MROH7: variants seen among roughly 807,000 people sequenced by gnomAD.
MROH7 encodes the protein maestro heat like repeat family member 7.
A neutral mutation model predicts 129.2 loss-of-function variants in MROH7; 113 were observed. The observed-to-expected ratio is 0.87, with a 90% confidence interval of 0.75 to 1.02. The LOEUF (loss-of-function observed/expected upper bound fraction) is 1.02. MROH7 is among the 50% of genes least tolerant of loss of function. MROH7 has a pLI of 0.00. For missense variants in MROH7, 1,601 were observed against 1,671.3 expected, an observed-to-expected ratio of 0.96 and a Z score of 0.73; for synonymous variants, 655 against 667.9, an observed-to-expected ratio of 0.98 and a Z score of 0.30.
intron 21 of MROH7, among the ~76,000 whole-genome samples, chr1:54,705,404 G>T (rs1197325137): frequency 1.3e-5 from 2 of 152,200 alleles, no homozygotes; most frequent in Non-Finnish European, 2.9e-5. Context: ...TCTCTTGGGG[G>T]AGCCCGAGAT....
rs189001699 is a variant in MROH7 at position 54,646,025 on chromosome 1, C to A, written c.-110+4057C>A. 1.2e-4 allele frequency among the ~76,000 whole-genome samples: 18 copies of A among 152,340 alleles called. 1 individual carries two copies. Among genetic ancestry groups the A allele is most frequent in the Admixed American group, 4.6e-4 (7 of 15,304 alleles). On this transcript the variant is annotated intron_variant, in intron 1 of 23. Transcript: ENST00000421030. ...ACAGTCCTGGCACAGGCCCGGTCTC[C>A]AGTGATATTTATGACTCCTCATTTG...
chr1:54,654,134 T>G lies in MROH7; in HGVS notation c.1208T>G (p.Val403Gly). 6.2e-7 allele frequency: 1 copy of G among 1,611,824 alleles called. No individual in the cohort carries two copies. Among genetic ancestry groups the G allele is most frequent in the Non-Finnish European group, 8.5e-7 (1 of 1,178,934 alleles). ...TCCAACCCCGCAGGCAAGGACGCCGTGACCTTGCAAGGCATCCCTGAGGGT... is the reference window on the plus strand; with the variant it reads ...TCCAACCCCGCAGGCAAGGACGCCGGGACCTTGCAAGGCATCCCTGAGGGT... ...PISNPAGKDAVTLQGIPEGAF... is the reference protein window; with the variant it reads ...PISNPAGKDAGTLQGIPEGAF... Residue 403 changes from valine (V) to glycine (G), a missense_variant, in exon 3 of 24, where the codon GTG (valine) becomes GGG (glycine). Val to Gly is a moderately radical substitution (Grantham distance 109). Transcript: ENST00000421030.
chr1:54,644,996 G>T (rs536023103), intron 1 of MROH7, among the ~76,000 whole-genome samples: 1 of 151,674 alleles, frequency 6.6e-6, no homozygotes, highest in African/African-American at 2.4e-5. Flanking sequence ...TTTTAGTAGA[G>T]ACGGGGTTTC....
intron 1 of MROH7, among the ~76,000 whole-genome samples, chr1:54,645,651 C>CTTTTTTTTTTTTTTTT (rs780480424): frequency 2.7e-5 from 3 of 110,224 alleles, no homozygotes; most frequent in African/African-American, 1.1e-4. Flanking sequence ...TTCTTTCTTT[C>CTTTTTTTTTTTTTTTT]TTTCTTTTTT....
intron 4 of MROH7, among the ~76,000 whole-genome samples, chr1:54,668,298 G>A (rs1440788900): frequency 6.6e-6 from 1 of 152,220 alleles, no homozygotes; most frequent in African/African-American, 2.4e-5. Context: ...GAGCAGAAAA[G>A]AACTTGCAGC....
At chr1:54,701,464 C>A in intron 19 of MROH7, 142 bp downstream of exon 19, 1 of 624,596 alleles carries the variant, frequency 1.6e-6, no homozygotes, top group Non-Finnish European at 2.6e-6. Flanking sequence ...TTTGTCCCAG[C>A]TGGTCCACAT....
chr1:54,645,725 T>C (rs12096323), intron 1 of MROH7, among the ~76,000 whole-genome samples: 2,594 of 146,976 alleles, frequency 0.018, 84 homozygotes, highest in African/African-American at 0.062. Context: ...AAATCTTGGC[T>C]CACCGCAGGC....
rs372924767 is a variant in MROH7, at chr1:54,673,150, G to A, written c.1659G>A (p.Glu553=). The change falls in exon 8 of 24, where the codon GAG becomes GAA. Residue 553 remains glutamate (E), a synonymous_variant. Transcript: ENST00000421030. The stretch of plus-strand genomic sequence containing the variant: ...CACTGCTCAAAGCCCTCTTTATCGA[G>A]GACCCCACTCCTGCTGGGCTGAAGA... ...LQTLLKALFI[E]DPTPAGLKSI... The A allele has an allele frequency of 1.5e-5, 25 of 1,613,822 alleles. No homozygotes were observed. The African/African-American group carries it at 1.6e-4, about 10-fold the overall frequency.
chr1:54,695,890 C>T (rs1263374830), intron 17 of MROH7: 4 of 313,606 alleles, frequency 1.3e-5, no homozygotes, highest in Non-Finnish European at 2.5e-5. Context: ...GCCATCTAGG[C>T]TGTGGTGGGG....
chr1:54,686,540 C>A, intron 15 of MROH7, 92 bp downstream of exon 15: 1 of 1,148,078 alleles, frequency 8.7e-7, no homozygotes, highest in Non-Finnish European at 1.2e-6. Flanking sequence ...GGCAATCAAT[C>A]AATAGAAATC....
At chr1:54,651,493 A>G (rs1644554220) in intron 1 of MROH7, 1 of 152,456 alleles carries the variant, frequency 6.6e-6, no homozygotes, top group Non-Finnish European at 1.5e-5. Context: ...CCCAGACCTA[A>G]CTGGGAGAGC....
intron 1 of MROH7, among the ~76,000 whole-genome samples, chr1:54,643,556 T>C (rs1351479392): frequency 6.6e-6 from 1 of 152,128 alleles, no homozygotes; most frequent in East Asian, 1.9e-4. Context: ...CCACCAGTCA[T>C]GCAAAAGTCG....
At chr1:54,671,813 G>C (rs1204603690) in intron 7 of MROH7, among the ~76,000 whole-genome samples, 6 of 152,134 alleles carry the variant, frequency 3.9e-5, no homozygotes, top group African/African-American at 2.4e-5. Flanking sequence ...AGGTGAGTGT[G>C]GGGGAGATGG....
intron 15 of MROH7, among the ~76,000 whole-genome samples, chr1:54,690,587 G>A (rs1182964654): frequency 1.3e-5 from 2 of 152,070 alleles, no homozygotes; most frequent in East Asian, 3.9e-4. Context: ...GGGACTACAG[G>A]CGCCCGCCAC....
At position 54,653,974 on chromosome 1, in the gene MROH7, A is replaced by G. The variant is rs1644601257; in HGVS notation, c.1048A>G (p.Thr350Ala). Residue 350 changes from threonine (T) to alanine (A), a missense_variant, in exon 3 of 24, where the codon ACC becomes GCC. Physicochemically the swap from Thr to Ala is moderately conservative, Grantham distance 58. Coordinates refer to ENST00000421030, the MANE Select transcript of MROH7 (RefSeq NM_001039464.4). The stretch of plus-strand genomic sequence containing the variant: ...CAGCCTCCTGTTCAGCGACACCTCC[A>G]CCTTGACGCTGAGCAGTCAGCAGGA... ...DSSLLFSDTSTLTLSSQQDDA... is the reference protein window; with the variant it reads ...DSSLLFSDTSALTLSSQQDDA... 6.2e-7 allele frequency: 1 copy of G among 1,614,120 alleles called. No individual in the cohort carries two copies. Among genetic ancestry groups the G allele is most frequent in the Non-Finnish European group, 8.5e-7 (1 of 1,180,018 alleles).
intron 1 of MROH7, among the ~76,000 whole-genome samples, chr1:54,642,986 A>C (rs1296157215): frequency 6.6e-6 from 1 of 152,218 alleles, no homozygotes; most frequent in East Asian, 1.9e-4. Context: ...TTTCTTGAAG[A>C]GTTGTCATTC....
chr1:54,663,445 T>G (rs1644761775), intron 3 of MROH7, among the ~76,000 whole-genome samples: 1 of 152,156 alleles, frequency 6.6e-6, no homozygotes, highest in Admixed American at 6.6e-5. Context: ...CGATCTTGGC[T>G]CACTGAGACC....
chr1:54,663,300 AT>A (rs774808112), intron 3 of MROH7, among the ~76,000 whole-genome samples: 3 of 151,988 alleles, frequency 2.0e-5, no homozygotes, highest in Non-Finnish European at 4.4e-5. Context: ...CTTTTTCTCA[AT>A]TTGATCAGTG....
In MROH7 at chr1:54,694,853, T is replaced by C. The variant is rs559953218; in HGVS notation, c.2850-523T>C. 3.6e-4 allele frequency among the ~76,000 whole-genome samples: 55 copies of C among 152,282 alleles called. No homozygotes were observed. The South Asian group carries it at 5.4e-3, about 15-fold the overall frequency. ...TGAGAGGACCACTGGCTTAGTAGAA[T>C]GAACGAGGCAGCTGGAATGTGAGCC... On this transcript the variant is annotated intron_variant, in intron 16 of 23. Coordinates refer to ENST00000421030, the MANE Select transcript of MROH7 (RefSeq NM_001039464.4).
Sources: allele counts gnomAD v4.1 joint callset (sites outside exome capture counted in the v4.1 genomes callset), GRCh38; gene constraint gnomAD v4.1.1; transcripts MANE v1.5; gene names NCBI Gene and HGNC (gene_info 2026-07-23, HGNC 2026-07-21).